The following MKNK2 variants were observed in gnomAD, a reference collection of about 807,000 sequenced individuals.
The protein encoded by MKNK2 is MAP kinase-interacting serine/threonine-protein kinase 2.
Under a neutral mutation model 55.0 loss-of-function variants are expected in MKNK2, and 54 were observed. The observed-to-expected ratio is 0.98, with a 90% CI of 0.79 to 1.23. MKNK2 has a LOEUF of 1.23. Among genes scored for constraint, MKNK2 ranks in the 50% most tolerant of loss-of-function variants. The pLI is 0.00. For missense variants in MKNK2, 685 were observed against 632.1 expected, an observed-to-expected ratio of 1.08 and a Z score of -0.90; for synonymous variants, 323 against 256.0, an observed-to-expected ratio of 1.26 and a Z score of -2.50.
intron 13 of MKNK2, 102 bp from the exon 14 acceptor site, chr19:2,039,958 C>G: frequency 6.9e-7 from 1 of 1,442,946 alleles, no homozygotes. Context: ...GCCCCCCTCC[C>G]AGCCCCCACC....
intron 2 of MKNK2, among the ~76,000 whole-genome samples, chr19:2,047,374 C>T (rs2017022887): frequency 6.6e-6 from 1 of 152,188 alleles, no homozygotes; most frequent in Non-Finnish European, 1.5e-5. Flanking sequence ...GACCTCCTCC[C>T]ACCTGCAGAG....
In MKNK2 at chr19:2,041,212, C is replaced by A; in HGVS notation, c.946-8G>T. 6 of 1,608,986 alleles carry A rather than the reference C, an allele frequency of 3.7e-6. No homozygotes were observed. Among genetic ancestry groups the A allele is most frequent in the Non-Finnish European group, 5.1e-6 (6 of 1,176,878 alleles). On this transcript the variant is annotated splice_region_variant and splice_polypyrimidine_tract_variant and intron_variant, in intron 11 of 13. Coordinates refer to ENST00000250896, the MANE Select transcript of MKNK2 (RefSeq NM_199054.3). ...GCTCTCAAACAGCATGTTCTGGGGA[C>A]ATAGAACACAGGGGAGCTTAGACCT...
In MKNK2 at chr19:2,037,642, T is replaced by C; in HGVS notation, c.*1971A>G. 1 of 925,282 alleles carries C rather than the reference T, an allele frequency of 1.1e-6. No homozygotes were observed. The highest frequency in any genetic ancestry group is 1.5e-6 in the Non-Finnish European group (1 of 680,970). The allele number at this position is 925,282 out of a possible 1,614,324, so 57.3% of individuals were successfully genotyped here. A position where few individuals can be genotyped will look rare whatever the true frequency, so the allele number is the denominator to read the frequency against. ...AAAAAACTTTTGAGGTTTTTTTTTT[T>C]TTTTTGTCTTTTAAAAACATCGTAA... On this transcript the variant is annotated 3_prime_UTR_variant, in exon 14 of 14. Coordinates refer to ENST00000250896, the MANE Select transcript of MKNK2 (RefSeq NM_199054.3).
chr19:2,049,908 GACAC>G (rs139985045), intron 2 of MKNK2, among the ~76,000 whole-genome samples: 4 of 151,860 alleles, frequency 2.6e-5, no homozygotes, highest in African/African-American at 9.7e-5. Flanking sequence ...ACAAGACAGA[GACAC>G]ACACACACAC....
rs376155009 is a variant in MKNK2 at position 2,050,775 on chromosome 19, G to A, written c.51+26C>T. Reference sequence around the variant, plus strand: ...CCATTCCGGTGGTCCAGCCCGGAGCGCCCCCAAACCGACCCCGGGCCTCAC... The same window carrying A: ...CCATTCCGGTGGTCCAGCCCGGAGCACCCCCAAACCGACCCCGGGCCTCAC... On this transcript the variant is annotated intron_variant, in intron 2 of 13. Coordinates refer to ENST00000250896, the MANE Select transcript of MKNK2 (RefSeq NM_199054.3). The A allele has an allele frequency of 3.9e-6, 6 of 1,530,716 alleles. No homozygotes were observed. In the African/African-American group the frequency reaches 5.7e-5, roughly 15 times the overall value. The allele number at this position is 1,530,716 out of a possible 1,614,324, so 94.8% of individuals were successfully genotyped here.
At chr19:2,046,747 G>GATAGGTCTCCCTGCTGC in intron 2 of MKNK2, 56 bp from the exon 3 acceptor site, 1 of 1,389,866 alleles carries the variant, frequency 7.2e-7, no homozygotes, top group Non-Finnish European at 9.6e-7. Context: ...CACGCAGCAG[G>GATAGGTCTCCCTGCTGC]GAGACCTATC....
Position 2,042,042 on chromosome 19 carries a change from C to T in MKNK2, c.751-8G>A. On this transcript the variant is annotated splice_polypyrimidine_tract_variant and splice_region_variant and intron_variant, in intron 10 of 13. Coordinates refer to ENST00000250896, the MANE Select transcript of MKNK2 (RefSeq NM_199054.3). ...GTACTCCGCCGAGCCGCACTGCGGG[C>T]GGGGGAGGGGCGCGTCAGCCGGGGT... The T allele has an allele frequency of 6.8e-7, 1 of 1,475,696 alleles. No individual in the cohort carries two copies. Among genetic ancestry groups the T allele is most frequent in the Non-Finnish European group, 9.0e-7 (1 of 1,112,108 alleles). 91.4% of individuals were successfully genotyped at this position (1,475,696 alleles called of 1,614,324 possible).
intron 2 of MKNK2, among the ~76,000 whole-genome samples, chr19:2,049,665 A>C (rs1201420659): frequency 1.3e-5 from 2 of 152,020 alleles, no homozygotes; most frequent in Non-Finnish European, 2.9e-5. Context: ...CCATGCACTG[A>C]CTCTGTATCA....
intron 8 of MKNK2, 25 bp from the exon 9 acceptor site, chr19:2,042,687 G>C (rs373373714): frequency 3.9e-6 from 6 of 1,557,186 alleles, no homozygotes; most frequent in East Asian, 2.4e-5. Flanking sequence ...ACAGAACCAC[G>C]ACGGGGTGAG....
Position 2,039,127 on chromosome 19 carries a change from G to A in MKNK2, c.*486C>T, listed in dbSNP as rs373731257. ...CACCAGGGGTGCTCTCAGGGTGAGGGATAGAGGGGAAGAGCCTGTCCCTGA... is the reference window on the plus strand; with the variant it reads ...CACCAGGGGTGCTCTCAGGGTGAGGAATAGAGGGGAAGAGCCTGTCCCTGA... On this transcript the variant is annotated 3_prime_UTR_variant, in exon 14 of 14. Coordinates refer to ENST00000250896, the MANE Select transcript of MKNK2 (RefSeq NM_199054.3). 10 of 990,534 alleles carry A rather than the reference G, an allele frequency of 1.0e-5. No homozygotes were observed. The African/African-American group carries it at 1.6e-4, about 16-fold the overall frequency. The allele number at this position is 990,534 out of a possible 1,614,324, so 61.4% of individuals were successfully genotyped here.
rs371603612 is a variant in MKNK2 at position 2,039,709 on chromosome 19, C to T, written c.1302G>A (p.Leu434=). ...PVLVRATSRC[L]QLSPPSQSKL... is the part of the protein sequence containing the mutation. ...TGGACTGGGAGGGTGGAGACAGCTG[C>T]AGGCAGCGTGAGGTAGCTCGGACCA... The change falls in exon 14 of 14, where the codon CTG becomes CTA. Residue 434 remains leucine (L), a synonymous_variant. Transcript: ENST00000250896. 27 of 1,612,482 alleles carry T rather than the reference C, an allele frequency of 1.7e-5. No homozygotes were observed. The African/African-American group carries it at 3.2e-4, about 19-fold the overall frequency.
rs1599380563 is a variant in MKNK2 at position 2,042,039 on chromosome 19, G to A, written c.751-5C>T. 4 of 1,479,590 alleles carry A rather than the reference G, an allele frequency of 2.7e-6. No homozygotes were observed. Among genetic ancestry groups the A allele is most frequent in the South Asian group, 1.3e-5 (1 of 75,850 alleles). The allele number at this position is 1,479,590 out of a possible 1,614,324, so 91.7% of individuals were successfully genotyped here. On this transcript the variant is annotated splice_polypyrimidine_tract_variant and splice_region_variant and intron_variant, in intron 10 of 13. Coordinates refer to ENST00000250896, the MANE Select transcript of MKNK2 (RefSeq NM_199054.3). ...CATGTACTCCGCCGAGCCGCACTGC[G>A]GGCGGGGGAGGGGCGCGTCAGCCGG... is the stretch of plus-strand genomic sequence containing the variant.
Position 2,038,294 on chromosome 19 carries a change from C to T in MKNK2, c.*1319G>A, listed in dbSNP as rs1447616065. The T allele has an allele frequency of 6.1e-6, 6 of 986,366 alleles. No individual in the cohort carries two copies. The highest frequency in any genetic ancestry group is 4.7e-5 in the South Asian group (1 of 21,486). The allele number at this position is 986,366 out of a possible 1,614,324, so 61.1% of individuals were successfully genotyped here. On this transcript the variant is annotated 3_prime_UTR_variant, in exon 14 of 14. Coordinates refer to ENST00000250896, the MANE Select transcript of MKNK2 (RefSeq NM_199054.3). The stretch of plus-strand genomic sequence containing the variant: ...AAAAACTAAACAGGAGGAAGAATCC[C>T]GACCGCGGATTTAGAAGCCAGAGGG...
chr19:2,037,653 T>A lies in MKNK2; in HGVS notation c.*1960A>T. On this transcript the variant is annotated 3_prime_UTR_variant, in exon 14 of 14. Transcript: ENST00000250896. ...GAGGTTTTTTTTTTTTTTTTGTCTT[T>A]TAAAAACATCGTAACATTAACACAT... 2 of 1,014,316 alleles carry A rather than the reference T, an allele frequency of 2.0e-6. No homozygotes were observed. Among genetic ancestry groups the A allele is most frequent in the Non-Finnish European group, 1.3e-6 (1 of 754,294 alleles). 62.8% of individuals were successfully genotyped at this position (1,014,316 alleles called of 1,614,324 possible). A position where few individuals can be genotyped will look rare whatever the true frequency, so the allele number is the denominator to read the frequency against.
chr19:2,044,660 G>C (rs540328545), intron 5 of MKNK2, among the ~76,000 whole-genome samples: 1 of 152,350 alleles, frequency 6.6e-6, no homozygotes, highest in East Asian at 1.9e-4. Flanking sequence ...GCAGTCCCAT[G>C]TCTATACTGA....
intron 12 of MKNK2, 49 bp downstream of exon 12, chr19:2,040,991 C>T: frequency 6.3e-7 from 1 of 1,594,576 alleles, no homozygotes; most frequent in Non-Finnish European, 8.6e-7. Flanking sequence ...CTGAGGCCAC[C>T]CTGCAGCGCC....
In MKNK2 at chr19:2,046,217, T is replaced by C. The variant is rs2016993158; in HGVS notation, c.308A>G (p.Asn103Ser). Residue 103 changes from asparagine to serine, a missense_variant, in exon 5 of 14, where the codon AAC becomes AGC. Physicochemically the swap from Asn to Ser is conservative, Grantham distance 46 (BLOSUM62 1). Coordinates refer to ENST00000250896, the MANE Select transcript of MKNK2 (RefSeq NM_199054.3). ...GAHARVQTCI[N>S]LITSQEYAVK... is the part of the protein sequence containing the mutation. The stretch of plus-strand genomic sequence containing the variant: ...GGCGTACTCCTGGCTGGTGATCAGG[T>C]TGATGCAGGTCTGCACTCGGGCATG... The C allele has an allele frequency of 5.6e-6, 9 of 1,608,428 alleles. No homozygotes were observed. The highest frequency in any genetic ancestry group is 1.1e-5 in the South Asian group (1 of 91,082).
intron 2 of MKNK2, among the ~76,000 whole-genome samples, chr19:2,048,284 G>C (rs2017042056): frequency 6.6e-6 from 1 of 152,166 alleles, no homozygotes; most frequent in African/African-American, 2.4e-5. Context: ...CCTGACCAGG[G>C]TGCAAGGAAC....
Position 2,042,607 on chromosome 19 carries a change from C to G in MKNK2, c.654G>C (p.Gln218His). The G allele has an allele frequency of 6.4e-7, 1 of 1,566,872 alleles. No individual in the cohort carries two copies. Among genetic ancestry groups the G allele is most frequent in the Non-Finnish European group, 8.7e-7 (1 of 1,155,618 alleles). ...PENILCEHPN[Q>H]VSPVKICDFD... ...GGCCACCCTGCCGGAACTGGCCTAC[C>G]TGGTTGGGGTGCTCACAGAGGATGT... The change falls in exon 9 of 14, where the codon CAG (glutamine) becomes CAC (histidine). Residue 218 changes from glutamine to histidine, a missense_variant and splice_region_variant. Coordinates refer to ENST00000250896, the MANE Select transcript of MKNK2 (RefSeq NM_199054.3).
Sources: gnomAD v4.1 joint callset for allele counts (sites outside exome capture counted in the v4.1 genomes callset) on GRCh38, gnomAD v4.1.1 for gene constraint, MANE v1.5 for transcripts, NCBI Gene and HGNC (gene_info 2026-07-23, HGNC 2026-07-21) for gene names.